DEPDC5: variants seen among roughly 807,000 people sequenced by gnomAD.
The protein encoded by DEPDC5 is GATOR1 complex protein DEPDC5.
A neutral mutation model predicts 217.3 loss-of-function variants in DEPDC5; 73 were observed. That is an observed-to-expected ratio of 0.34 (90% CI 0.28 to 0.41). DEPDC5 has a LOEUF of 0.41. Among genes scored for constraint, DEPDC5 ranks in the 10% least tolerant of loss-of-function variants. The pLI, the probability that DEPDC5 is intolerant of heterozygous loss-of-function variation, is 1.00. For missense variants in DEPDC5, 1,675 were observed against 2,070.1 expected (o/e 0.81, Z 3.70); for synonymous variants, 733 against 756.7 (o/e 0.97, Z 0.51).
chr22:31,777,223 G>A (rs2083959201), intron 7 of DEPDC5, among the ~76,000 whole-genome samples: 1 of 148,254 alleles, frequency 6.7e-6, no homozygotes, highest in African/African-American at 2.5e-5. Context: ...GCCTCTCAAC[G>A]TGTTGGGATT....
intron 30 of DEPDC5, 33 bp from the exon 31 acceptor site, chr22:31,846,801 G>C (rs2091762174): frequency 6.2e-7 from 1 of 1,614,044 alleles, no homozygotes. Flanking sequence ...AGCCCACTTG[G>C]CTGATGGCCT....
chr22:31,860,512 G>C lies in DEPDC5; in HGVS notation c.3265-856G>C, dbSNP rs141405264. On this transcript the variant is annotated intron_variant, in intron 32 of 42. Transcript: ENST00000651528. ...GTAAAAAGATTCCGAAAGGAAAGAG[G>C]GTACTACTTAAGAATGATGGAAGGA... Among the ~76,000 whole-genome samples the C allele has an allele frequency of 1.9e-3, 286 of 152,218 alleles. 2 individuals carry two copies. The highest frequency in any genetic ancestry group is 6.6e-3 in the African/African-American group (276 of 41,544).
chr22:31,779,695 A>G (rs1239648219), intron 8 of DEPDC5, among the ~76,000 whole-genome samples: 2 of 152,206 alleles, frequency 1.3e-5, no homozygotes, highest in Non-Finnish European at 2.9e-5. Context: ...CACCGGCTCT[A>G]ATGGCCAAAG....
Position 31,879,769 on chromosome 22 carries a change from G to T in DEPDC5, c.4033+17G>T. 1 of 1,606,082 alleles carries T rather than the reference G, an allele frequency of 6.2e-7. No homozygotes were observed. Among genetic ancestry groups the T allele is most frequent in the Non-Finnish European group, 8.5e-7 (1 of 1,176,250 alleles). The stretch of plus-strand genomic sequence containing the variant: ...CACTTTTAGGTACATGCTCAACCCA[G>T]ACAAGGTCTGAGGGTGTGCCAGTGG... On this transcript the variant is annotated intron_variant, in intron 38 of 42. Transcript: ENST00000651528.
chr22:31,768,748 C>A, intron 6 of DEPDC5, 66 bp from the exon 7 acceptor site: 3 of 1,314,454 alleles, frequency 2.3e-6, no homozygotes, highest in South Asian at 1.3e-5. Flanking sequence ...GTTAATCAAT[C>A]TCTCTCTCTT....
intron 39 of DEPDC5, among the ~76,000 whole-genome samples, chr22:31,896,855 C>T (rs1445812603): frequency 6.6e-6 from 1 of 152,182 alleles, no homozygotes; most frequent in East Asian, 1.9e-4. Flanking sequence ...AGGCTGGGAT[C>T]ATGCCTATAA....
chr22:31,775,739 T>A (rs1277362056), intron 7 of DEPDC5, among the ~76,000 whole-genome samples: 1 of 152,020 alleles, frequency 6.6e-6, no homozygotes, highest in African/African-American at 2.4e-5. Context: ...TCTGGTTTAA[T>A]TTGAAAACAG....
intron 20 of DEPDC5, among the ~76,000 whole-genome samples, chr22:31,812,742 CTTTTT>C (rs569013035): frequency 8.6e-6 from 1 of 116,936 alleles, no homozygotes. Flanking sequence ...AGATTTCTTT[CTTTTT>C]TTTTTTTTTT....
intron 13 of DEPDC5, 90 bp from the exon 14 acceptor site, chr22:31,798,492 T>C: frequency 8.8e-7 from 1 of 1,141,756 alleles, no homozygotes; most frequent in Non-Finnish European, 1.2e-6. Context: ...CACTCCAGCC[T>C]GGGTGACACA....
intron 18 of DEPDC5, among the ~76,000 whole-genome samples, chr22:31,806,878 G>A (rs1199383946): frequency 6.6e-6 from 1 of 152,072 alleles, no homozygotes; most frequent in Non-Finnish European, 1.5e-5. Context: ...CAGGTGTATT[G>A]GCACATACCT....
chr22:31,878,806 A>G (rs1327570102), intron 37 of DEPDC5, among the ~76,000 whole-genome samples: 1 of 151,966 alleles, frequency 6.6e-6, no homozygotes, highest in Non-Finnish European at 1.5e-5. Context: ...TGGGAGGCCA[A>G]GGCAGGTGGA....
At chr22:31,846,768 G>T (rs757020600) in intron 30 of DEPDC5, 66 bp from the exon 31 acceptor site, 3 of 1,610,464 alleles carry the variant, frequency 1.9e-6, no homozygotes, top group Admixed American at 3.3e-5. Context: ...GCATGCCCTG[G>T]GGCATGAGTG....
At chr22:31,764,940 T>C (rs2148101488) in intron 4 of DEPDC5, 35 bp from the exon 5 acceptor site, 1 of 1,534,232 alleles carries the variant, frequency 6.5e-7, no homozygotes, top group East Asian at 2.2e-5. Flanking sequence ...TTTTTCAAAA[T>C]ATGTTATCTG....
At chr22:31,778,236 A>C in intron 8 of DEPDC5, 68 bp downstream of exon 8, 1 of 1,514,408 alleles carries the variant, frequency 6.6e-7, no homozygotes, top group Non-Finnish European at 9.2e-7. Context: ...CTAAAATCAA[A>C]AATAAAACAA....
At chr22:31,900,761 G>A (rs1602946853) in intron 40 of DEPDC5, among the ~76,000 whole-genome samples, 1 of 151,770 alleles carries the variant, frequency 6.6e-6, no homozygotes, top group Non-Finnish European at 1.5e-5. Flanking sequence ...AAAAAGTGGG[G>A]GTAGTAGTTG....
intron 14 of DEPDC5, among the ~76,000 whole-genome samples, chr22:31,799,978 T>G (rs2086698844): frequency 6.6e-6 from 1 of 151,372 alleles, no homozygotes; most frequent in African/African-American, 2.4e-5. Flanking sequence ...AATTTTTGTG[T>G]TTTTAGTAGA....
Position 31,802,744 on chromosome 22 carries a change from T to A in DEPDC5, c.987T>A (p.Thr329=), listed in dbSNP as rs2087013677. The A allele has an allele frequency of 1.3e-6, 2 of 1,598,664 alleles. No homozygotes were observed. Among genetic ancestry groups the A allele is most frequent in the Non-Finnish European group, 1.7e-6 (2 of 1,172,964 alleles). ...KHYINRNFDR[T]GQMSVVITPG... ...ACATCAACCGCAACTTTGACCGAAC[T>A]GGGCAGATGTCAGTGGTGATCACGC... Residue 329 remains threonine, a synonymous_variant, in exon 15 of 43, where the codon ACT becomes ACA. Coordinates refer to ENST00000651528, the MANE Select transcript of DEPDC5 (RefSeq NM_001242896.3).
chr22:31,782,004 C>G (rs139539199), intron 8 of DEPDC5, among the ~76,000 whole-genome samples: 96 of 152,226 alleles, frequency 6.3e-4, no homozygotes, highest in African/African-American at 2.2e-3. Context: ...GCACTCCTAC[C>G]TGGGAGACAG....
In DEPDC5 at chr22:31,907,721, G is replaced by A. The variant is rs770394498; in HGVS notation, c.*1224G>A. On this transcript the variant is annotated 3_prime_UTR_variant, in exon 43 of 43. Coordinates refer to ENST00000651528, the MANE Select transcript of DEPDC5 (RefSeq NM_001242896.3). ...GATTTGCTGAGATAAGACTCAGCTT[G>A]GTGCTTCACCTCAGCACCCTGCCTT... is the stretch of plus-strand genomic sequence containing the variant. The A allele has an allele frequency of 6.6e-6, 1 of 152,228 alleles. No homozygotes were observed. The highest frequency in any genetic ancestry group is 1.5e-5 in the Non-Finnish European group (1 of 68,110). The allele number at this position is 152,228 out of a possible 1,614,324, so 9.4% of individuals were successfully genotyped here. A position where few individuals can be genotyped will look rare whatever the true frequency, so the allele number is the denominator to read the frequency against.
Sources: gnomAD v4.1 joint callset for allele counts (sites outside exome capture counted in the v4.1 genomes callset) on GRCh38, gnomAD v4.1.1 for gene constraint, MANE v1.5 for transcripts, NCBI Gene and HGNC (gene_info 2026-07-23, HGNC 2026-07-21) for gene names.